The following RRAS2 variants were observed in gnomAD, a reference collection of about 807,000 sequenced individuals.
RRAS2 encodes the protein RAS related 2.
A neutral mutation model predicts 27.6 loss-of-function variants in RRAS2; 7 were observed. The ratio of observed to expected loss-of-function variants is 0.25; its 90% CI spans 0.14 to 0.48. RRAS2 has a LOEUF of 0.48. RRAS2 is among the 20% of genes least tolerant of loss of function. The pLI, the probability that RRAS2 is intolerant of heterozygous loss-of-function variation, is 0.99. For missense variants in RRAS2, 178 were observed against 256.2 expected (o/e 0.69, Z 2.08); for synonymous variants, 86 against 90.9 (o/e 0.95, Z 0.31).
upstream of RRAS2, among the ~76,000 whole-genome samples, chr11:14,363,590 G>A (rs782333397): frequency 4.0e-5 from 6 of 151,888 alleles, no homozygotes; most frequent in Non-Finnish European, 8.8e-5. Context: ...CCAACATGGC[G>A]AAACCCTGTC....
chr11:14,355,979 T>C (rs1221843439), intron 1 of RRAS2, among the ~76,000 whole-genome samples: 13 of 152,196 alleles, frequency 8.5e-5, no homozygotes, highest in Admixed American at 7.9e-4. Context: ...AAAATTAATA[T>C]AAAAATGTAT....
chr11:14,344,277 CATTAA>C lies in RRAS2; in HGVS notation c.108+14481_108+14485del, dbSNP rs1288747673. On this transcript the variant is annotated intron_variant, in intron 1 of 5. Coordinates refer to ENST00000256196, the MANE Select transcript of RRAS2 (RefSeq NM_012250.6). ...ATTAATTTAAACATCTGCAACTCGT[CATTAA>C]ATTATCAGACTTAACTTTTGTTTCA... is the stretch of plus-strand genomic sequence containing the variant. Among the ~76,000 whole-genome samples the C allele has an allele frequency of 4.6e-5, 7 of 152,274 alleles. No homozygotes were observed. In the South Asian group the frequency reaches 1.5e-3, roughly 32 times the overall value.
In RRAS2 at chr11:14,295,820, T is replaced by G. The variant is rs1372841871; in HGVS notation, c.144A>C (p.Glu48Asp). Residue 48 changes from glutamate (E) to aspartate (D), a missense_variant, in exon 2 of 6, where the codon GAA becomes GAC. Physicochemically the swap from Glu to Asp is conservative, Grantham distance 45. Transcript: ENST00000256196. The part of the protein sequence containing the change: ...YFVTDYDPTI[E>D]DSYTKQCVID... ...TCACACACTGCTTTGTGTAAGAATC[T>G]TCAATGGTTGGATCATAATCCGTTA... 6.2e-7 allele frequency: 1 copy of G among 1,613,472 alleles called. No homozygotes were observed. The highest frequency in any genetic ancestry group is 8.5e-7 in the Non-Finnish European group (1 of 1,179,758).
At chr11:14,299,414 G>A (rs1232068852) in intron 1 of RRAS2, among the ~76,000 whole-genome samples, 1 of 152,204 alleles carries the variant, frequency 6.6e-6, no homozygotes, top group African/African-American at 2.4e-5. Flanking sequence ...GTACACTTAA[G>A]ATCTGTACAC....
intron 4 of RRAS2, among the ~76,000 whole-genome samples, chr11:14,293,273 T>C (rs1847463908): frequency 6.6e-6 from 1 of 150,958 alleles, no homozygotes; most frequent in East Asian, 1.9e-4. Context: ...CAAAGCTGTT[T>C]ATCAACCAAT....
intron 1 of RRAS2, among the ~76,000 whole-genome samples, chr11:14,296,947 T>C (rs781796696): frequency 6.6e-6 from 1 of 152,166 alleles, no homozygotes; most frequent in African/African-American, 2.4e-5. Flanking sequence ...AAGGATCACC[T>C]GAGCCCAGAA....
chr11:14,364,261 TGAGGGTA>T lies in RRAS2; in HGVS notation c.-124+123_-124+129del. 3 of 862,188 alleles carry T rather than the reference TGAGGGTA, an allele frequency of 3.5e-6. No homozygotes were observed. In the Admixed American group the frequency reaches 6.3e-5, roughly 18 times the overall value. The allele number at this position is 862,188 out of a possible 1,614,324, so 53.4% of individuals were successfully genotyped here. ...CCTGGCCCATCCCAGAGACAGGATC[TGAGGGTA>T]GAGTGGAGAGGGAGATGCTAGAATC... On this transcript the variant is annotated intron_variant, in intron 1 of 5. Coordinates refer to the RRAS2 transcript ENST00000529237.
intron 1 of RRAS2, among the ~76,000 whole-genome samples, chr11:14,319,703 T>C (rs1848186049): frequency 6.6e-6 from 1 of 152,138 alleles, no homozygotes; most frequent in African/African-American, 2.4e-5. Flanking sequence ...AAGTTTACCA[T>C]ACATGATGGA....
chr11:14,326,089 T>C lies in RRAS2; in HGVS notation c.109-30234A>G, dbSNP rs782763975. ...TGTACTAGAACCCCTTTGAGAGAAC[T>C]TGGTTTTTTATTCTTGAATGGTGCT... is the stretch of plus-strand genomic sequence containing the variant. On this transcript the variant is annotated intron_variant, in intron 1 of 5. Transcript: ENST00000256196. Among the ~76,000 whole-genome samples, 3 of 152,202 alleles carry C rather than the reference T, an allele frequency of 2.0e-5. No homozygotes were observed. In the East Asian group the frequency reaches 5.8e-4, roughly 29 times the overall value.
At chr11:14,338,146 A>T (rs1165861747) in intron 1 of RRAS2, among the ~76,000 whole-genome samples, 1 of 152,224 alleles carries the variant, frequency 6.6e-6, no homozygotes, top group Non-Finnish European at 1.5e-5. Flanking sequence ...TGGCAAAATG[A>T]CAGTATCAGT....
At chr11:14,319,424 T>C (rs1554949979) in intron 1 of RRAS2, among the ~76,000 whole-genome samples, 2 of 127,866 alleles carry the variant, frequency 1.6e-5, no homozygotes, top group African/African-American at 2.9e-5. Flanking sequence ...AGTGGCGCAA[T>C]CTCGGCTCAG....
Position 14,359,142 on chromosome 11 carries a change from C to A in RRAS2, c.-272G>T. 2 of 1,032,050 alleles carry A rather than the reference C, an allele frequency of 1.9e-6. No individual in the cohort carries two copies. The highest frequency in any genetic ancestry group is 2.3e-6 in the Non-Finnish European group (2 of 861,088). 63.9% of individuals were successfully genotyped at this position (1,032,050 alleles called of 1,614,324 possible). A position where few individuals can be genotyped will look rare whatever the true frequency, so the allele number is the denominator to read the frequency against. ...CGCTCCTCTACGCGTCTCCGCAGCG[C>A]CTGCCGAACGCAGCCTCCAGCGCCG... is the stretch of plus-strand genomic sequence containing the variant. On this transcript the variant is annotated 5_prime_UTR_variant, in exon 1 of 6. Transcript: ENST00000256196.
At chr11:14,318,692 G>A (rs1188909095) in intron 1 of RRAS2, among the ~76,000 whole-genome samples, 6 of 152,210 alleles carry the variant, frequency 3.9e-5, no homozygotes, top group African/African-American at 1.4e-4. Context: ...CAGTGGAACA[G>A]CTGAGACAGA....
At position 14,358,041 on chromosome 11, in the gene RRAS2, C is replaced by G. The variant is rs1554955700; in HGVS notation, c.108+722G>C. Reference sequence around the variant, plus strand: ...ACAGAACGCACGACTCGGTCATATCCTAGCCCGGCCCATCCCAAACTTCAC... The same window carrying G: ...ACAGAACGCACGACTCGGTCATATCGTAGCCCGGCCCATCCCAAACTTCAC... On this transcript the variant is annotated intron_variant, in intron 1 of 5. Transcript: ENST00000256196. This position sits in a 1 kb window ranked among gnomAD's most constrained non-coding sequence, Gnocchi z 5.1. Among the ~76,000 whole-genome samples, 2 of 152,148 alleles carry G rather than the reference C, an allele frequency of 1.3e-5. No individual in the cohort carries two copies. Among genetic ancestry groups the G allele is most frequent in the Non-Finnish European group, 2.9e-5 (2 of 68,016 alleles).
At chr11:14,360,940 T>G (rs1272420931), upstream of RRAS2, among the ~76,000 whole-genome samples, 1 of 147,252 alleles carries the variant, frequency 6.8e-6, no homozygotes, top group African/African-American at 2.5e-5. Flanking sequence ...AGTGCTGGGA[T>G]TACAGGCATG....
intron 1 of RRAS2, among the ~76,000 whole-genome samples, chr11:14,329,340 C>T (rs1310239957): frequency 1.3e-5 from 2 of 152,112 alleles, no homozygotes; most frequent in African/African-American, 4.8e-5. Flanking sequence ...TCTCAAACTC[C>T]TGACCTCAAG....
chr11:14,347,143 A>G (rs782311856), intron 1 of RRAS2, among the ~76,000 whole-genome samples: 4 of 152,224 alleles, frequency 2.6e-5, no homozygotes, highest in Non-Finnish European at 5.9e-5. Context: ...CGCTTGGACA[A>G]CAGAGCAAGA....
At chr11:14,290,618 A>G (rs1406297965) in intron 4 of RRAS2, among the ~76,000 whole-genome samples, 1 of 152,192 alleles carries the variant, frequency 6.6e-6, no homozygotes, top group Non-Finnish European at 1.5e-5. Flanking sequence ...GTACCAACAA[A>G]GGACACTGGG....
rs1849153679 is a variant in RRAS2, at chr11:14,359,169, C to T, written c.-299G>A. 9.9e-7 allele frequency: 1 copy of T among 1,006,724 alleles called. No homozygotes were observed. Among genetic ancestry groups the T allele is most frequent in the Non-Finnish European group, 1.2e-6 (1 of 844,998 alleles). 62.4% of individuals were successfully genotyped at this position (1,006,724 alleles called of 1,614,324 possible). ...TGCCGAACGCAGCCTCCAGCGCCGC[C>T]ACAAATGGCCGTCTGGGGGCCGGGC... On this transcript the variant is annotated 5_prime_UTR_variant, in exon 1 of 6. Coordinates refer to ENST00000256196, the MANE Select transcript of RRAS2 (RefSeq NM_012250.6).
Sources: allele counts gnomAD v4.1 joint callset (sites outside exome capture counted in the v4.1 genomes callset), GRCh38; gene constraint gnomAD v4.1.1; non-coding constraint Gnocchi (gnomAD v3.1); transcripts MANE v1.5; gene names NCBI Gene and HGNC (gene_info 2026-07-23, HGNC 2026-07-21).